NTNG2: variants seen among roughly 807,000 people sequenced by gnomAD.
NTNG2 encodes the protein netrin-G2.
Under a neutral mutation model 47.6 loss-of-function variants are expected in NTNG2, and 15 were observed. The ratio of observed to expected loss-of-function variants is 0.32; its 90% CI spans 0.21 to 0.49. The LOEUF is 0.49. Among genes scored for constraint, NTNG2 ranks in the 20% least tolerant of loss-of-function variants. The probability of loss-of-function intolerance (pLI) is 0.99; values close to 1 mark genes in which losing one functional copy is unlikely to be tolerated. For missense variants in NTNG2, 578 were observed against 764.6 expected (o/e 0.76, Z 2.88); for synonymous variants, 307 against 324.6 (o/e 0.95, Z 0.58).
rs191876657 is a variant in NTNG2, at chr9:132,206,392, C to T, written c.857+7783C>T. ...TTTTTAAACCCAACTCTTGGCCGGG[C>T]GTGGTGGCTCACGCCTGTAATCCCA... On this transcript the variant is annotated intron_variant, in intron 3 of 7. Coordinates refer to ENST00000393229, the MANE Select transcript of NTNG2 (RefSeq NM_032536.4). Among the ~76,000 whole-genome samples, 14 of 152,306 alleles carry T rather than the reference C, an allele frequency of 9.2e-5. 1 individual carries two copies. In the South Asian group the frequency reaches 1.2e-3, roughly 14 times the overall value.
rs558688237 is a variant in NTNG2 at position 132,182,880 on chromosome 9, C to G, written c.214-15086C>G. On this transcript the variant is annotated intron_variant, in intron 2 of 7. Coordinates refer to ENST00000393229, the MANE Select transcript of NTNG2 (RefSeq NM_032536.4). The surrounding 1 kb of genome is among the most constrained non-coding windows in gnomAD (Gnocchi z 4.2). ...TGGACTTGCCTGGGAGCTTTTCATTCCCCCCCTGCCGCAGCTGCCCCCCAG... is the reference window on the plus strand; with the variant it reads ...TGGACTTGCCTGGGAGCTTTTCATTGCCCCCCTGCCGCAGCTGCCCCCCAG... Among the ~76,000 whole-genome samples the G allele has an allele frequency of 6.6e-6, 1 of 151,952 alleles. No homozygotes were observed. Among genetic ancestry groups the G allele is most frequent in the South Asian group, 2.1e-4 (1 of 4,824 alleles).
chr9:132,198,410 G>A lies in NTNG2; in HGVS notation c.658G>A (p.Ala220Thr), dbSNP rs1342385306. 9 of 1,612,938 alleles carry A rather than the reference G, an allele frequency of 5.6e-6. No individual in the cohort carries two copies. Among genetic ancestry groups the A allele is most frequent in the East Asian group, 2.2e-5 (1 of 44,890 alleles). ...HVRFEVRDRF[A>T]IFAGPDLRNM... ...GCGCTTCGAGGTGCGGGACCGCTTC[G>A]CCATCTTTGCCGGCCCCGACCTGCG... Residue 220 changes from alanine to threonine, a missense_variant, in exon 3 of 8, where the codon GCC becomes ACC. Coordinates refer to ENST00000393229, the MANE Select transcript of NTNG2 (RefSeq NM_032536.4).
At chr9:132,229,502 C>G (rs1182986069) in intron 4 of NTNG2, among the ~76,000 whole-genome samples, 2 of 152,314 alleles carry the variant, frequency 1.3e-5, no homozygotes, top group South Asian at 2.1e-4. Flanking sequence ...CAGCCCATCA[C>G]CCTCCAGGGC....
chr9:132,229,525 C>A (rs1841039425), intron 4 of NTNG2, among the ~76,000 whole-genome samples: 1 of 152,182 alleles, frequency 6.6e-6, no homozygotes, highest in Non-Finnish European at 1.5e-5. Context: ...AACTTGGAGC[C>A]CCCAGGACCT....
intron 2 of NTNG2, among the ~76,000 whole-genome samples, chr9:132,174,290 G>T (rs973926362): frequency 7.2e-6 from 1 of 137,942 alleles, no homozygotes; most frequent in Non-Finnish European, 1.5e-5. Context: ...AGACAGGCAG[G>T]CCGCACCATG....
chr9:132,234,307 C>T (rs1236275787), intron 5 of NTNG2, among the ~76,000 whole-genome samples: 1 of 152,202 alleles, frequency 6.6e-6, no homozygotes, highest in Admixed American at 6.5e-5. Context: ...GGATTCCAGG[C>T]GTGAGCCACC....
intron 2 of NTNG2, among the ~76,000 whole-genome samples, chr9:132,188,710 C>A (rs1388241562): frequency 6.6e-6 from 1 of 152,078 alleles, no homozygotes; most frequent in Non-Finnish European, 1.5e-5. Flanking sequence ...CATCCTTCAC[C>A]CATGAGCTGG....
chr9:132,224,297 A>G (rs1285731694), intron 3 of NTNG2, among the ~76,000 whole-genome samples: 3 of 152,160 alleles, frequency 2.0e-5, no homozygotes, highest in Non-Finnish European at 2.9e-5. Context: ...ATGAGCTAAC[A>G]CTGATACAGT....
In NTNG2 at chr9:132,197,963, C is replaced by T; in HGVS notation, c.214-3C>T. ...CCCTTCCCTTCTCCTCTCCCCGCTGCAGGAGAATCCCTACCTATGCAGCAA... is the reference window on the plus strand; with the variant it reads ...CCCTTCCCTTCTCCTCTCCCCGCTGTAGGAGAATCCCTACCTATGCAGCAA... On this transcript the variant is annotated splice_region_variant and splice_polypyrimidine_tract_variant and intron_variant, in intron 2 of 7. Transcript: ENST00000393229. This position sits in a 1 kb window ranked among gnomAD's most constrained non-coding sequence, Gnocchi z 4.3. The T allele has an allele frequency of 6.2e-7, 1 of 1,607,320 alleles. No individual in the cohort carries two copies. Among genetic ancestry groups the T allele is most frequent in the African/African-American group, 1.3e-5 (1 of 74,970 alleles).
intron 3 of NTNG2, among the ~76,000 whole-genome samples, chr9:132,201,400 C>T (rs1838737897): frequency 6.6e-6 from 1 of 152,250 alleles, no homozygotes; most frequent in South Asian, 2.1e-4. Flanking sequence ...CAGGCGGCAG[C>T]TTGGCTTGTC....
At position 132,208,021 on chromosome 9, in the gene NTNG2, T is replaced by C. The variant is rs1212256182; in HGVS notation, c.857+9412T>C. ...TGGGAGGCTGAGGTGGGAGGATTGC[T>C]TGAGCCCAGGAAGTCAAGCCTGCAG... On this transcript the variant is annotated intron_variant, in intron 3 of 7. Coordinates refer to ENST00000393229, the MANE Select transcript of NTNG2 (RefSeq NM_032536.4). The surrounding 1 kb of genome is among the most constrained non-coding windows in gnomAD (Gnocchi z 4.0). Among the ~76,000 whole-genome samples the C allele has an allele frequency of 6.6e-6, 1 of 152,116 alleles. No homozygotes were observed. Among genetic ancestry groups the C allele is most frequent in the Non-Finnish European group, 1.5e-5 (1 of 68,018 alleles).
At chr9:132,210,586 C>T (rs1478557064) in intron 3 of NTNG2, among the ~76,000 whole-genome samples, 1 of 152,238 alleles carries the variant, frequency 6.6e-6, no homozygotes. Flanking sequence ...TCTGCCTGGG[C>T]CACTCCCTCT....
At chr9:132,194,588 C>A (rs1480905608) in intron 2 of NTNG2, among the ~76,000 whole-genome samples, 1 of 152,236 alleles carries the variant, frequency 6.6e-6, no homozygotes, top group African/African-American at 2.4e-5. Context: ...CAGCAGACTC[C>A]TCCTCAGAGG....
At chr9:132,219,572 C>CAAAA (rs35634958) in intron 3 of NTNG2, among the ~76,000 whole-genome samples, 3 of 100,216 alleles carry the variant, frequency 3.0e-5, no homozygotes, top group South Asian at 3.3e-4. Flanking sequence ...GACTCTGTCT[C>CAAAA]AAAAAAAAAA....
At chr9:132,241,158 A>T in intron 7 of NTNG2, 114 bp downstream of exon 7, 1 of 1,042,758 alleles carries the variant, frequency 9.6e-7, no homozygotes, top group Non-Finnish European at 1.3e-6. Flanking sequence ...GGGCCTAGCA[A>T]GACGGGGCAG....
intron 3 of NTNG2, among the ~76,000 whole-genome samples, chr9:132,225,259 TTTTTG>T (rs564394685): frequency 1.3e-5 from 2 of 151,122 alleles, no homozygotes; most frequent in African/African-American, 2.4e-5. Context: ...GTTTTGTTTG[TTTTTG>T]TTTTGTTTTG....
intron 2 of NTNG2, among the ~76,000 whole-genome samples, chr9:132,189,064 C>CTTTTTTTTTTT (rs1179386814): frequency 1.1e-4 from 7 of 61,752 alleles, no homozygotes; most frequent in African/African-American, 3.4e-4. Context: ...GGCTTTAAGC[C>CTTTTTTTTTTT]TTTCTTTTTT....
chr9:132,195,828 T>G (rs1396517863), intron 2 of NTNG2, among the ~76,000 whole-genome samples: 1 of 152,026 alleles, frequency 6.6e-6, no homozygotes, highest in Non-Finnish European at 1.5e-5. Flanking sequence ...TACAGGGTCT[T>G]GCTGTGTTGC....
chr9:132,212,562 C>T (rs555720138), intron 3 of NTNG2, among the ~76,000 whole-genome samples: 11 of 152,276 alleles, frequency 7.2e-5, no homozygotes, highest in East Asian at 1.9e-4. Flanking sequence ...AGCCAGGCTG[C>T]GCCAGGCGAC....
Sources: gnomAD v4.1 joint callset for allele counts (sites outside exome capture counted in the v4.1 genomes callset) on GRCh38, gnomAD v4.1.1 for gene constraint, Gnocchi (gnomAD v3.1) non-coding constraint, MANE v1.5 for transcripts, NCBI Gene and HGNC (gene_info 2026-07-23, HGNC 2026-07-21) for gene names.